SCLT1: variants seen among roughly 807,000 people sequenced by gnomAD.
SCLT1 encodes the protein sodium channel-associated protein 1.
In SCLT1, 78 loss-of-function variants were observed where a neutral mutation model predicts 112.8. The observed-to-expected ratio is 0.69, with a 90% confidence interval of 0.58 to 0.83. SCLT1 has a LOEUF of 0.83. Ranked by LOEUF, SCLT1 falls within the 40% of genes least tolerant of loss-of-function variation. The pLI, the probability that SCLT1 is intolerant of heterozygous loss-of-function variation, is 0.00. For missense variants in SCLT1, 747 were observed against 770.4 expected (o/e 0.97, Z 0.36); for synonymous variants, 257 against 254.7 (o/e 1.01, Z -0.09).
chr4:129,024,287 G>C (rs1745797267), intron 5 of SCLT1, among the ~76,000 whole-genome samples: 1 of 152,212 alleles, frequency 6.6e-6, no homozygotes, highest in Admixed American at 6.5e-5. Flanking sequence ...AGCCTAACTG[G>C]AAGGCACCCC....
intron 18 of SCLT1, among the ~76,000 whole-genome samples, chr4:128,897,707 A>G (rs1733896177): frequency 6.6e-6 from 1 of 152,234 alleles, no homozygotes; most frequent in Non-Finnish European, 1.5e-5. Context: ...TAAATGCTCC[A>G]ATTAAAAGAC....
Position 128,902,147 on chromosome 4 carries a change from C to T in SCLT1, c.1830-11010G>A, listed in dbSNP as rs955196348. Among the ~76,000 whole-genome samples the T allele has an allele frequency of 3.3e-5, 5 of 152,232 alleles. No homozygotes were observed. In the South Asian group the frequency reaches 6.2e-4, roughly 19 times the overall value. On this transcript the variant is annotated intron_variant, in intron 18 of 20. Transcript: ENST00000281142. Reference sequence around the variant, plus strand: ...CTCAAACTCCTGGGCTCAAGCAAGCCTCCCACCTCGGCTTCCCAAAGTGCT... The same window carrying T: ...CTCAAACTCCTGGGCTCAAGCAAGCTTCCCACCTCGGCTTCCCAAAGTGCT...
At chr4:128,998,456 G>A (rs1176316815) in intron 7 of SCLT1, among the ~76,000 whole-genome samples, 1 of 151,820 alleles carries the variant, frequency 6.6e-6, no homozygotes, top group Non-Finnish European at 1.5e-5. Flanking sequence ...AGTTGGGAGA[G>A]GCTGTAAATA....
intron 2 of SCLT1, among the ~76,000 whole-genome samples, chr4:129,050,076 T>A (rs1445976317): frequency 1.3e-5 from 2 of 152,214 alleles, no homozygotes; most frequent in East Asian, 3.8e-4. Context: ...AACTCATTCT[T>A]TTTTATGGCT....
intron 18 of SCLT1, among the ~76,000 whole-genome samples, chr4:128,901,081 A>G (rs956813298): frequency 2.4e-4 from 37 of 152,226 alleles, no homozygotes; most frequent in Non-Finnish European, 4.3e-4. Context: ...TGGGACTGTT[A>G]ACTAGTTCAA....
In SCLT1 at chr4:129,015,201, C is replaced by T. The variant is rs548510709; in HGVS notation, c.291-11325G>A. 5.3e-4 allele frequency among the ~76,000 whole-genome samples: 80 copies of T among 152,218 alleles called. 1 individual carries two copies. Among genetic ancestry groups the T allele is most frequent in the Admixed American group, 4.6e-4 (7 of 15,296 alleles). On this transcript the variant is annotated intron_variant, in intron 5 of 20. Coordinates refer to ENST00000281142, the MANE Select transcript of SCLT1 (RefSeq NM_144643.4). The stretch of plus-strand genomic sequence containing the variant: ...GCTAGTGGGGCAAGGAAAGCAAAAC[C>T]TGCCCGCACAGACATGTATCAGCAA...
chr4:129,066,980 T>C (rs1010320525), intron 2 of SCLT1, among the ~76,000 whole-genome samples: 1 of 152,130 alleles, frequency 6.6e-6, no homozygotes, highest in Non-Finnish European at 1.5e-5. Context: ...CGATATTTAA[T>C]TTCTTAACAA....
At position 128,959,684 on chromosome 4, in the gene SCLT1, T is replaced by A; in HGVS notation, c.963A>T (p.Glu321Asp). The change falls in exon 12 of 21, where the codon GAA becomes GAT. Residue 321 changes from glutamate to aspartate, a missense_variant. By Grantham distance (45) the Glu-to-Asp change is conservative. Transcript: ENST00000281142. Reference protein sequence around the residue: ...QTRELQAKCNELENERYEAIV... With the variant: ...QTRELQAKCNDLENERYEAIV... Reference sequence around the variant, plus strand: ...TAGCCTCATATCTCTCATTTTCTAATTCATTGCACTTTGCTTGTAGCTCTC... The same window carrying A: ...TAGCCTCATATCTCTCATTTTCTAAATCATTGCACTTTGCTTGTAGCTCTC... 2 of 1,613,504 alleles carry A rather than the reference T, an allele frequency of 1.2e-6. No individual in the cohort carries two copies. The highest frequency in any genetic ancestry group is 1.7e-6 in the Non-Finnish European group (2 of 1,179,550).
At chr4:128,998,308 A>G (rs138761390) in intron 7 of SCLT1, among the ~76,000 whole-genome samples, 1 of 151,906 alleles carries the variant, frequency 6.6e-6, no homozygotes, top group Non-Finnish European at 1.5e-5. Flanking sequence ...TTTCAAACCT[A>G]CTCAAAACCT....
intron 5 of SCLT1, among the ~76,000 whole-genome samples, chr4:129,010,146 A>T (rs1744391165): frequency 6.6e-6 from 1 of 152,082 alleles, no homozygotes; most frequent in Non-Finnish European, 1.5e-5. Flanking sequence ...ATGGCTAGCC[A>T]GTTATCTCAG....
intron 17 of SCLT1, among the ~76,000 whole-genome samples, chr4:128,937,268 ACT>A (rs1386876705): frequency 1.6e-5 from 2 of 125,836 alleles, no homozygotes; most frequent in Non-Finnish European, 3.3e-5. Flanking sequence ...ACAGAGTAAG[ACT>A]CTGTCTCAAA....
intron 18 of SCLT1, among the ~76,000 whole-genome samples, chr4:128,903,368 G>A (rs181326065): frequency 2.2e-3 from 337 of 152,052 alleles, no homozygotes; most frequent in African/African-American, 7.8e-3. Flanking sequence ...GTGGTCCATC[G>A]TTGACCAAAA....
chr4:128,889,493 A>C (rs1733145876), intron 19 of SCLT1, among the ~76,000 whole-genome samples: 1 of 152,174 alleles, frequency 6.6e-6, no homozygotes, highest in Admixed American at 6.5e-5. Context: ...CAGCTCTCAG[A>C]AGGAACTAAC....
chr4:128,912,675 C>CTACTCT (rs1735190923), intron 18 of SCLT1, among the ~76,000 whole-genome samples: 1 of 151,944 alleles, frequency 6.6e-6, no homozygotes, highest in Non-Finnish European at 1.5e-5. Context: ...CTTTTCTCTC[C>CTACTCT]TACTCTTCCT....
intron 18 of SCLT1, among the ~76,000 whole-genome samples, chr4:128,905,809 AT>A (rs34030004): frequency 0.7 from 105,782 of 150,206 alleles, 37,170 homozygotes; most frequent in African/African-American, 0.74. Context: ...TTTTTAGACT[AT>A]TTTTTTTTTT....
At chr4:129,056,422 T>C (rs1035277211) in intron 2 of SCLT1, among the ~76,000 whole-genome samples, 3 of 152,202 alleles carry the variant, frequency 2.0e-5, no homozygotes, top group Admixed American at 6.5e-5. Flanking sequence ...TTATAGTATA[T>C]TTTGAAGTCA....
At chr4:129,027,652 A>G (rs2126136442) in intron 5 of SCLT1, among the ~76,000 whole-genome samples, 1 of 152,298 alleles carries the variant, frequency 6.6e-6, no homozygotes, top group Non-Finnish European at 1.5e-5. Context: ...CTCCTATTCA[A>G]CATAGTGTTG....
At chr4:128,929,553 T>C (rs1183530754) in intron 18 of SCLT1, among the ~76,000 whole-genome samples, 2 of 152,210 alleles carry the variant, frequency 1.3e-5, no homozygotes, top group Non-Finnish European at 2.9e-5. Context: ...TAATTAGGTA[T>C]CAGGTCACTT....
intron 5 of SCLT1, among the ~76,000 whole-genome samples, chr4:129,023,270 C>A (rs565594786): frequency 6.6e-6 from 1 of 152,192 alleles, no homozygotes; most frequent in South Asian, 2.1e-4. Context: ...AGCATCATGG[C>A]GACAGGATCA....
Sources: gnomAD v4.1 joint callset for allele counts (sites outside exome capture counted in the v4.1 genomes callset) on GRCh38, gnomAD v4.1.1 for gene constraint, MANE v1.5 for transcripts, NCBI Gene and HGNC (gene_info 2026-07-23, HGNC 2026-07-21) for gene names.